Variants in ACSS3 observed in about 807,000 individuals in gnomAD.
The protein encoded by ACSS3 is acyl-CoA synthetase short chain family member 3.
In ACSS3, 64 loss-of-function variants were observed where a neutral mutation model predicts 84.2. The observed-to-expected ratio is 0.76, with a 90% CI of 0.62 to 0.94. The LOEUF is 0.94. ACSS3 is among the 40% of genes least tolerant of loss of function. ACSS3 has a pLI of 0.00. For missense variants in ACSS3, 815 were observed against 867.6 expected (o/e 0.94, Z 0.76); for synonymous variants, 317 against 310.1 (o/e 1.02, Z -0.23).
chr12:81,079,715 G>T (rs1880851098), intron 1 of ACSS3, among the ~76,000 whole-genome samples: 1 of 152,180 alleles, frequency 6.6e-6, no homozygotes, highest in African/African-American at 2.4e-5. Flanking sequence ...AAGTCATAAA[G>T]ATTAAAAGCA....
chr12:81,171,455 G>C (rs1047216764), intron 7 of ACSS3, among the ~76,000 whole-genome samples: 1 of 151,966 alleles, frequency 6.6e-6, no homozygotes, highest in East Asian at 1.9e-4. Context: ...TTTTAAATAG[G>C]AAAACATTTT....
Position 81,135,005 on chromosome 12 carries a change from G to T in ACSS3, c.645+1G>T. 6.3e-7 allele frequency: 1 copy of T among 1,578,258 alleles called. No homozygotes were observed. Among genetic ancestry groups the T allele is most frequent in the Non-Finnish European group, 8.6e-7 (1 of 1,159,170 alleles). ...AAGTAGTCGCATTGATCATGTAAAG[G>T]TAAGTGCTTTATTTTGGGAAATCAA... On this transcript the variant is annotated splice_donor_variant, in intron 3 of 15. Coordinates refer to ENST00000548058, the MANE Select transcript of ACSS3 (RefSeq NM_024560.4). LOFTEE classifies it high-confidence loss of function.
chr12:81,199,385 C>A lies in ACSS3; in HGVS notation c.1295C>A (p.Thr432Asn). The A allele has an allele frequency of 2.5e-6, 4 of 1,613,594 alleles. No individual in the cohort carries two copies. The highest frequency in any genetic ancestry group is 3.4e-6 in the Non-Finnish European group (4 of 1,179,732). The stretch of plus-strand genomic sequence containing the variant: ...GCTGGAGAACGATGTGATGTAGAGA[C>A]CCTGGAATGGTCCAAAAATGTCTTC... ...FVAGERCDVE[T>N]LEWSKNVFRV... The change falls in exon 9 of 16, where the codon ACC (threonine) becomes AAC (asparagine). Residue 432 changes from threonine (T) to asparagine (N), a missense_variant. Thr to Asn is a moderately conservative substitution (Grantham distance 65). Transcript: ENST00000548058.
intron 9 of ACSS3, among the ~76,000 whole-genome samples, chr12:81,202,074 TCGAGACCAG>T (rs2032136314): frequency 6.6e-6 from 1 of 152,048 alleles, no homozygotes; most frequent in Non-Finnish European, 1.5e-5. Flanking sequence ...GGTCAGGAGT[TCGAGACCAG>T]CCTGACCAAC....
At chr12:81,220,206 CTG>C in intron 11 of ACSS3, 130 bp downstream of exon 11, 1 of 443,998 alleles carries the variant, frequency 2.3e-6, no homozygotes, top group Non-Finnish European at 4.0e-6. Context: ...TGCTTAAGAA[CTG>C]TGTCAGCTGT....
At chr12:81,087,991 A>AT (rs1881428670) in intron 1 of ACSS3, among the ~76,000 whole-genome samples, 1 of 152,058 alleles carries the variant, frequency 6.6e-6, no homozygotes. Flanking sequence ...GGGTATTACT[A>AT]TTTTTTGTGT....
intron 11 of ACSS3, among the ~76,000 whole-genome samples, chr12:81,223,396 T>G (rs2033173847): frequency 6.6e-6 from 1 of 152,082 alleles, no homozygotes; most frequent in South Asian, 2.1e-4. Context: ...ATTCAGTCAC[T>G]GCGTTGCCAT....
intron 5 of ACSS3, among the ~76,000 whole-genome samples, chr12:81,147,866 TACACACACACAC>T (rs149709961): frequency 6.7e-6 from 1 of 148,930 alleles, no homozygotes; most frequent in Non-Finnish European, 1.5e-5. Flanking sequence ...GCTGAATTGA[TACACACACACAC>T]ACACACACAA....
rs574683016 is a variant in ACSS3, at chr12:81,185,878, G to C, written c.1250+10939G>C. On this transcript the variant is annotated intron_variant, in intron 8 of 15. Coordinates refer to ENST00000548058, the MANE Select transcript of ACSS3 (RefSeq NM_024560.4). ...ATTATCCTAAAATTTGTATGAAAAT[G>C]TAAAAGACCCCAAGTAGGCATAGCT... Among the ~76,000 whole-genome samples the C allele has an allele frequency of 2.3e-3, 352 of 151,694 alleles. 1 individual carries two copies. Among genetic ancestry groups the C allele is most frequent in the African/African-American group, 7.9e-3 (329 of 41,506 alleles).
chr12:81,153,291 C>T (rs1565694065), intron 7 of ACSS3, among the ~76,000 whole-genome samples: 1 of 151,670 alleles, frequency 6.6e-6, no homozygotes, highest in African/African-American at 2.4e-5. Context: ...GCCTGTAATC[C>T]CAGCTACTCA....
At chr12:81,095,123 C>A in intron 1 of ACSS3, among the ~76,000 whole-genome samples, 1 of 152,138 alleles carries the variant, frequency 6.6e-6, no homozygotes, top group East Asian at 1.9e-4. Context: ...TTCAAAGTTA[C>A]CCACTTGTGG....
At chr12:81,188,721 A>G (rs2031408577) in intron 8 of ACSS3, among the ~76,000 whole-genome samples, 1 of 152,124 alleles carries the variant, frequency 6.6e-6, no homozygotes, top group African/African-American at 2.4e-5. Context: ...ATTGCTGGTT[A>G]GATCACTCTT....
Position 81,177,076 on chromosome 12 carries a change from T to C in ACSS3, c.1250+2137T>C, listed in dbSNP as rs182959243. Among the ~76,000 whole-genome samples, 13 of 152,328 alleles carry C rather than the reference T, an allele frequency of 8.5e-5. No individual in the cohort carries two copies. In the East Asian group the frequency reaches 2.1e-3, roughly 25 times the overall value. On this transcript the variant is annotated intron_variant, in intron 8 of 15. Coordinates refer to ENST00000548058, the MANE Select transcript of ACSS3 (RefSeq NM_024560.4). ...ACTAAAAACAAAAGCTGTGTGATTATCTCAATAGATGCAGAAAATGACATA... is the reference window on the plus strand; with the variant it reads ...ACTAAAAACAAAAGCTGTGTGATTACCTCAATAGATGCAGAAAATGACATA...
At chr12:81,194,653 A>C (rs2031741740) in intron 8 of ACSS3, among the ~76,000 whole-genome samples, 1 of 152,038 alleles carries the variant, frequency 6.6e-6, no homozygotes, top group South Asian at 2.1e-4. Context: ...GATTGCTATA[A>C]TAATGATATT....
chr12:81,111,783 G>A (rs1479195306), intron 2 of ACSS3, among the ~76,000 whole-genome samples: 1 of 152,164 alleles, frequency 6.6e-6, no homozygotes, highest in Non-Finnish European at 1.5e-5. Flanking sequence ...TAAACAACCA[G>A]GCAGTGGGGA....
At chr12:81,078,004 T>C, upstream of ACSS3, 1 of 1,226,676 alleles carries the variant, frequency 8.2e-7, no homozygotes, top group Non-Finnish European at 1.1e-6. Flanking sequence ...TCCAAACTTC[T>C]GGGCTCTGGG....
At chr12:81,180,661 G>T (rs1174884436) in intron 8 of ACSS3, among the ~76,000 whole-genome samples, 1 of 151,954 alleles carries the variant, frequency 6.6e-6, no homozygotes, top group Non-Finnish European at 1.5e-5. Context: ...AATTACAGGT[G>T]CCTGCCACCA....
intron 8 of ACSS3, among the ~76,000 whole-genome samples, chr12:81,180,586 G>C (rs376424058): frequency 2.0e-5 from 3 of 152,032 alleles, no homozygotes; most frequent in African/African-American, 7.3e-5. Flanking sequence ...CATGATCTTG[G>C]CTCATTGCAA....
chr12:81,099,197 A>G (rs34930378), intron 1 of ACSS3, among the ~76,000 whole-genome samples: 3,939 of 152,142 alleles, frequency 0.026, 90 homozygotes, highest in Middle Eastern at 0.054. Context: ...TGTTTCCAAT[A>G]TGTTGGCTTT....
Sources: gnomAD v4.1 joint callset for allele counts (sites outside exome capture counted in the v4.1 genomes callset) on GRCh38, gnomAD v4.1.1 for gene constraint, MANE v1.5 for transcripts, NCBI Gene and HGNC (gene_info 2026-07-23, HGNC 2026-07-21) for gene names.